MIDN: variants seen among roughly 807,000 people sequenced by gnomAD.
The protein encoded by MIDN is midbrain nucleolar protein.
Under a neutral mutation model 46.1 loss-of-function variants are expected in MIDN, and 26 were observed. The observed-to-expected ratio is 0.56, with a 90% CI of 0.41 to 0.78. MIDN has a LOEUF of 0.78. Ranked by LOEUF, MIDN falls within the 30% of genes least tolerant of loss-of-function variation. MIDN has a pLI of 0.00. For synonymous variants in MIDN, 432 were observed against 343.3 expected (o/e 1.26, Z -2.86); for missense variants, 850 against 771.8 (o/e 1.10, Z -1.20).
intron 4 of MIDN, among the ~76,000 whole-genome samples, chr19:1,252,780 C>T (rs1384945500): frequency 6.6e-6 from 1 of 152,150 alleles, no homozygotes; most frequent in Non-Finnish European, 1.5e-5. Context: ...TAGAGTCCTG[C>T]CCTTTCCCTA....
At chr19:1,255,376 C>G (rs376527620) in intron 7 of MIDN, 46 bp from the exon 8 acceptor site, 3 of 1,531,102 alleles carry the variant, frequency 2.0e-6, no homozygotes, top group Admixed American at 2.0e-5. Flanking sequence ...CCTGGACATG[C>G]GGGACTGTGC....
intron 1 of MIDN, among the ~76,000 whole-genome samples, chr19:1,249,511 C>G (rs2081094733): frequency 1.3e-5 from 2 of 149,950 alleles, no homozygotes; most frequent in South Asian, 4.1e-4. Flanking sequence ...GCGAGGGGTA[C>G]CAGACCCGTC....
chr19:1,253,164 A>G (rs2081153896), intron 4 of MIDN, among the ~76,000 whole-genome samples: 1 of 146,564 alleles, frequency 6.8e-6, no homozygotes, highest in Non-Finnish European at 1.5e-5. Context: ...GGTGGTGGGG[A>G]CTCCAGCTGC....
At chr19:1,254,610 C>A in intron 6 of MIDN, 132 bp downstream of exon 6, 1 of 1,007,872 alleles carries the variant, frequency 9.9e-7, no homozygotes, top group Non-Finnish European at 1.5e-6. Context: ...CCTGTGACCT[C>A]GGGCTGGTGG....
chr19:1,254,454 C>T lies in MIDN; in HGVS notation c.801C>T (p.His267=), dbSNP rs370146770. Residue 267 remains histidine, a synonymous_variant, in exon 6 of 9, where the codon CAC becomes CAT. Transcript: ENST00000682408. ...TCACAGCCGGCTCCTTCCGGTCCCA[C>T]GCAGCCTCCACCACCTGCCCGGAGG... ...SPITAGSFRS[H]AASTTCPEQM... 1.4e-4 allele frequency: 216 copies of T among 1,562,160 alleles called. 3 individuals are homozygous for T. The South Asian group carries it at 2.0e-3, about 14-fold the overall frequency.
At chr19:1,251,527 C>T (rs751108392) in intron 2 of MIDN, 35 bp from the exon 3 acceptor site, 11 of 1,596,780 alleles carry the variant, frequency 6.9e-6, no homozygotes, top group Middle Eastern at 1.7e-4. Flanking sequence ...TGTGTCGTCT[C>T]CGCGGAGTCT....
rs2081236986 is a variant in MIDN at position 1,259,100 on chromosome 19, C to T, written c.*1828C>T. 1 of 148,352 alleles carries T rather than the reference C, an allele frequency of 6.7e-6. No homozygotes were observed. Among genetic ancestry groups the T allele is most frequent in the South Asian group, 2.1e-4 (1 of 4,744 alleles). 9.2% of individuals were successfully genotyped at this position (148,352 alleles called of 1,614,324 possible). On this transcript the variant is annotated 3_prime_UTR_variant, in exon 9 of 9. Transcript: ENST00000682408. ...AAATTGAAAAAAAAAAAAAAACCTA[C>T]ACGAGCACCGTGATTTCAAGTAATA...
chr19:1,254,118 G>C (rs745582895), intron 5 of MIDN, 36 bp downstream of exon 5: 8 of 1,557,248 alleles, frequency 5.1e-6, no homozygotes, highest in East Asian at 2.4e-5. Context: ...GGCTGGGCTG[G>C]GGGCGCCGCA....
chr19:1,256,255 G>A (rs192319617), intron 8 of MIDN, among the ~76,000 whole-genome samples: 102 of 152,342 alleles, frequency 6.7e-4, no homozygotes, highest in African/African-American at 2.4e-3. Context: ...AGGCCGACGC[G>A]GGCGGATCAC....
In MIDN at chr19:1,255,689, C is replaced by T; in HGVS notation, c.1253C>T (p.Pro418Leu). 1 of 1,573,836 alleles carries T rather than the reference C, an allele frequency of 6.4e-7. No homozygotes were observed. The highest frequency in any genetic ancestry group is 8.6e-7 in the Non-Finnish European group (1 of 1,163,322). ...CAGAGCCAGATCCGCATGTGCAAGC[C>T]CCCGGGTGAGTGGCCACCCTCGGGG... ...QGQSQIRMCKPPGDRLRQTEN... is the reference protein window; with the variant it reads ...QGQSQIRMCKLPGDRLRQTEN... Residue 418 changes from proline (P) to leucine (L), a missense_variant, in exon 8 of 9, where the codon CCC (proline) becomes CTC (leucine). Pro to Leu is a moderately conservative substitution (Grantham distance 98, BLOSUM62 -3). Coordinates refer to ENST00000682408, the MANE Select transcript of MIDN (RefSeq NM_001388306.1).
chr19:1,248,811 T>G (rs1314548621), intron 1 of MIDN, among the ~76,000 whole-genome samples, 151 bp downstream of exon 1: 2 of 151,372 alleles, frequency 1.3e-5, no homozygotes, highest in Non-Finnish European at 3.0e-5. Context: ...TGGGAGGGGC[T>G]CCGCGCAGCC....
intron 2 of MIDN, chr19:1,251,312 A>G: frequency 1.9e-6 from 1 of 516,964 alleles, no homozygotes; most frequent in East Asian, 3.6e-5. Flanking sequence ...TGGGGTGCAG[A>G]GGGGGTGCCA....
intron 4 of MIDN, among the ~76,000 whole-genome samples, chr19:1,252,381 C>T (rs192074851): frequency 3.3e-4 from 50 of 152,094 alleles, no homozygotes; most frequent in East Asian, 2.9e-3. Context: ...CGTCACCCTC[C>T]CCTCCTCTCT....
Position 1,250,414 on chromosome 19 carries a change from G to A in MIDN, c.118G>A (p.Gly40Ser), listed in dbSNP as rs1430563088. The A allele has an allele frequency of 1.5e-6, 2 of 1,350,330 alleles. No homozygotes were observed. Among genetic ancestry groups the A allele is most frequent in the Non-Finnish European group, 9.7e-7 (1 of 1,029,932 alleles). The allele number at this position is 1,350,330 out of a possible 1,614,324, so 83.6% of individuals were successfully genotyped here. ...PMSLAIHSTT[G>S]TRYDLAVPPD... ...GAGCCTCGCCATCCACAGCACCACG[G>A]GCACCCGCTACGACCTGGCCGTGCC... Residue 40 changes from glycine (G) to serine (S), a missense_variant, in exon 2 of 9, where the codon GGC (glycine) becomes AGC (serine). Transcript: ENST00000682408.
In MIDN at chr19:1,251,319, G is replaced by T; in HGVS notation, c.234-243G>T. On this transcript the variant is annotated intron_variant, in intron 2 of 8. Transcript: ENST00000682408. ...TGCCTGGTTGGGGTGCAGAGGGGGT[G>T]CCAGAGTCCAGGGCGGGGGTTCCAC... 5 of 528,920 alleles carry T rather than the reference G, an allele frequency of 9.5e-6. No individual in the cohort carries two copies. In the Admixed American group the frequency reaches 1.5e-4, roughly 16 times the overall value. The allele number at this position is 528,920 out of a possible 1,614,324, so 32.8% of individuals were successfully genotyped here.
rs766615288 is a variant in MIDN at position 1,250,488 on chromosome 19, C to T, written c.192C>T (p.Leu64=). 9 of 1,363,126 alleles carry T rather than the reference C, an allele frequency of 6.6e-6. No homozygotes were observed. The highest frequency in any genetic ancestry group is 1.6e-5 in the South Asian group (1 of 63,242). The allele number at this position is 1,363,126 out of a possible 1,614,324, so 84.4% of individuals were successfully genotyped here. ...TGCGCAAGCGGTTGTCCCAGCGCCTCAAAGTGCCCAAGGAGCGCCTGGCTC... is the reference window on the plus strand; with the variant it reads ...TGCGCAAGCGGTTGTCCCAGCGCCTTAAAGTGCCCAAGGAGCGCCTGGCTC... ...EGLRKRLSQR[L]KVPKERLALL... Residue 64 remains leucine, a synonymous_variant, in exon 2 of 9, where the codon CTC becomes CTT. Coordinates refer to ENST00000682408, the MANE Select transcript of MIDN (RefSeq NM_001388306.1).
At chr19:1,256,915 C>T (rs1257548799) in intron 8 of MIDN, 80 bp from the exon 9 acceptor site, 2 of 1,574,126 alleles carry the variant, frequency 1.3e-6, no homozygotes, top group South Asian at 2.2e-5. Flanking sequence ...ACCTCAGGGG[C>T]ATTTGCTGGG....
intron 6 of MIDN, 27 bp downstream of exon 6, chr19:1,254,505 C>T (rs367682443): frequency 6.5e-6 from 10 of 1,538,186 alleles, no homozygotes; most frequent in Non-Finnish European, 8.7e-6. Flanking sequence ...GAAGGGTGAC[C>T]CTTGGTTGGA....
intron 8 of MIDN, among the ~76,000 whole-genome samples, chr19:1,256,226 G>A (rs1391983130): frequency 6.6e-6 from 1 of 152,260 alleles, no homozygotes; most frequent in African/African-American, 2.4e-5. Flanking sequence ...GCTCACGCCT[G>A]TAATCCCAGC....
Sources: allele counts gnomAD v4.1 joint callset (sites outside exome capture counted in the v4.1 genomes callset), GRCh38; gene constraint gnomAD v4.1.1; transcripts MANE v1.5; gene names NCBI Gene and HGNC (gene_info 2026-07-23, HGNC 2026-07-21).